Variants in NRXN3 observed in about 807,000 individuals in gnomAD.
NRXN3 encodes the protein neurexin 3.
A neutral mutation model predicts 137.6 loss-of-function variants in NRXN3; 32 were observed. The ratio of observed to expected loss-of-function variants is 0.23; its 90% CI spans 0.18 to 0.31. The LOEUF is 0.31. NRXN3 is among the 10% of genes least tolerant of loss of function. NRXN3 has a pLI of 1.00. For missense variants in NRXN3, 1,574 were observed against 2,062.5 expected, an observed-to-expected ratio of 0.76 and a Z score of 4.59; for synonymous variants, 798 against 784.5, an observed-to-expected ratio of 1.02 and a Z score of -0.29.
intron 17 of NRXN3, among the ~76,000 whole-genome samples, chr14:79,671,753 A>G (rs182894247): frequency 4.5e-4 from 69 of 152,222 alleles, no homozygotes; most frequent in African/African-American, 1.6e-3. Flanking sequence ...AATTACTGCT[A>G]TCAAACCTAG....
intron 15 of NRXN3, among the ~76,000 whole-genome samples, chr14:79,301,849 A>G (rs1301758505): frequency 6.6e-6 from 1 of 151,954 alleles, no homozygotes; most frequent in African/African-American, 2.4e-5. Flanking sequence ...GTGGACTTGA[A>G]GTTGAAATAG....
intron 4 of NRXN3, among the ~76,000 whole-genome samples, chr14:78,548,728 C>T (rs1399573097): frequency 6.6e-6 from 1 of 152,194 alleles, no homozygotes; most frequent in East Asian, 1.9e-4. Context: ...ATTCCCCTCA[C>T]TAGACGTATT....
intron 8 of NRXN3, among the ~76,000 whole-genome samples, chr14:78,742,683 T>G (rs2098583965): frequency 6.6e-6 from 1 of 152,050 alleles, no homozygotes; most frequent in African/African-American, 2.4e-5. Flanking sequence ...TCATCAAGAG[T>G]GGAATTTTGA....
At chr14:79,808,963 T>G (rs772299389) in intron 20 of NRXN3, among the ~76,000 whole-genome samples, 8 of 152,132 alleles carry the variant, frequency 5.3e-5, no homozygotes, top group Non-Finnish European at 1.0e-4. Context: ...ATTTTTGGAG[T>G]TTGGTCAATA....
intron 4 of NRXN3, among the ~76,000 whole-genome samples, chr14:78,326,151 A>G (rs1486715008): frequency 6.6e-6 from 1 of 152,188 alleles, no homozygotes; most frequent in Non-Finnish European, 1.5e-5. Context: ...AGCCATCCCT[A>G]GAAAGCCACC....
chr14:78,735,382 A>G (rs894096343), intron 8 of NRXN3, among the ~76,000 whole-genome samples: 5 of 152,144 alleles, frequency 3.3e-5, no homozygotes, highest in African/African-American at 1.2e-4. Flanking sequence ...GGTGGGAGGA[A>G]GCTGGACAAA....
chr14:78,389,759 A>G (rs1164526810), intron 4 of NRXN3, among the ~76,000 whole-genome samples: 1 of 152,050 alleles, frequency 6.6e-6, no homozygotes, highest in Non-Finnish European at 1.5e-5. Flanking sequence ...TCTAGTTAAA[A>G]CTATTGAGAC....
intron 16 of NRXN3, among the ~76,000 whole-genome samples, chr14:79,529,447 G>GT (rs946228784): frequency 3.9e-5 from 6 of 152,168 alleles, no homozygotes; most frequent in Non-Finnish European, 7.3e-5. Context: ...CTTCCTTGTT[G>GT]TTTTTTCTTA....
chr14:79,596,924 T>A (rs2097864030), intron 16 of NRXN3, among the ~76,000 whole-genome samples: 1 of 152,138 alleles, frequency 6.6e-6, no homozygotes, highest in Admixed American at 6.5e-5. Context: ...TCCCCAAGTT[T>A]TAAATGTGTA....
At chr14:79,251,147 A>G (rs1295910854) in intron 15 of NRXN3, among the ~76,000 whole-genome samples, 1 of 152,174 alleles carries the variant, frequency 6.6e-6, no homozygotes, top group Non-Finnish European at 1.5e-5. Context: ...ATAAGTAGCC[A>G]CTGAAGGATT....
intron 16 of NRXN3, among the ~76,000 whole-genome samples, chr14:79,660,838 G>T (rs1361731530): frequency 2.0e-5 from 3 of 152,046 alleles, no homozygotes; most frequent in African/African-American, 7.2e-5. Flanking sequence ...TTTGTGGGGT[G>T]GGCAGAGGAG....
intron 4 of NRXN3, among the ~76,000 whole-genome samples, chr14:78,523,937 C>T (rs535802436): frequency 6.6e-5 from 10 of 151,252 alleles, no homozygotes; most frequent in Admixed American, 3.9e-4. Context: ...GAAAGCCATA[C>T]TCAAATGAAT....
chr14:78,718,281 C>T (rs1046411591), intron 8 of NRXN3, among the ~76,000 whole-genome samples: 1 of 152,096 alleles, frequency 6.6e-6, no homozygotes, highest in Non-Finnish European at 1.5e-5. Flanking sequence ...CTGGAACTTC[C>T]TTGGGGGTGA....
At position 79,505,568 on chromosome 14, in the gene NRXN3, C is replaced by G. The variant is rs184389708; in HGVS notation, c.3444+38166C>G. On this transcript the variant is annotated intron_variant, in intron 16 of 20. Transcript: ENST00000335750. ...TTCATTGGTGACTAAGAAATGTAGT[C>G]TAGACTATTCCCAGGAATAAGAGGA... is the stretch of plus-strand genomic sequence containing the variant. 5.1e-4 allele frequency among the ~76,000 whole-genome samples: 77 copies of G among 152,250 alleles called. No homozygotes were observed. In the East Asian group the frequency reaches 0.014, roughly 28 times the overall value.
chr14:78,761,271 A>T (rs983569183), intron 8 of NRXN3, among the ~76,000 whole-genome samples: 7 of 152,206 alleles, frequency 4.6e-5, no homozygotes, highest in African/African-American at 1.7e-4. Flanking sequence ...GAATTAATCC[A>T]GGTAATATTT....
chr14:78,572,385 C>G (rs1324407604), intron 4 of NRXN3, among the ~76,000 whole-genome samples: 1 of 152,170 alleles, frequency 6.6e-6, no homozygotes, highest in Admixed American at 6.5e-5. Context: ...TCCTTGAGAG[C>G]CTGGCCACCT....
At chr14:78,194,243 C>T (rs1003098668) in intron 1 of NRXN3, among the ~76,000 whole-genome samples, 3 of 152,210 alleles carry the variant, frequency 2.0e-5, no homozygotes, top group Admixed American at 6.5e-5. Flanking sequence ...TTTGAGAGTA[C>T]AGGACTGCAA....
intron 15 of NRXN3, chr14:79,279,915 G>A: frequency 1.9e-6 from 2 of 1,046,392 alleles, no homozygotes; most frequent in Admixed American, 5.0e-5. Flanking sequence ...CCTCTGTGTG[G>A]CTCCCGGGAG....
intron 2 of NRXN3, among the ~76,000 whole-genome samples, chr14:78,270,218 C>T (rs1444105597): frequency 6.6e-6 from 1 of 152,168 alleles, no homozygotes; most frequent in Non-Finnish European, 1.5e-5. Flanking sequence ...TTGGAGATGT[C>T]TGTGTCTAGA....
Sources: gnomAD v4.1 joint callset for allele counts (sites outside exome capture counted in the v4.1 genomes callset) on GRCh38, gnomAD v4.1.1 for gene constraint, MANE v1.5 for transcripts, NCBI Gene and HGNC (gene_info 2026-07-23, HGNC 2026-07-21) for gene names.